The following MTREX variants were observed in gnomAD, a reference collection of about 807,000 sequenced individuals.
MTREX encodes the protein Mtr4 exosome RNA helicase.
Under a neutral mutation model 135.4 loss-of-function variants are expected in MTREX, and 76 were observed. That is an observed-to-expected ratio of 0.56 (90% CI 0.47 to 0.68). The LOEUF (loss-of-function observed/expected upper bound fraction) is 0.68, where lower values mean the gene tolerates loss of function less well. Among genes scored for constraint, MTREX ranks in the 30% least tolerant of loss-of-function variants. MTREX has a pLI of 0.00. For missense variants in MTREX, 920 were observed against 1,262.1 expected (o/e 0.73, Z 4.11); for synonymous variants, 404 against 401.6 (o/e 1.01, Z -0.07).
At chr5:55,376,051 A>G (rs557078204) in intron 16 of MTREX, among the ~76,000 whole-genome samples, 2 of 152,234 alleles carry the variant, frequency 1.3e-5, no homozygotes, top group East Asian at 1.9e-4. Flanking sequence ...AAAATTTACT[A>G]TAGTGGAGCC....
chr5:55,314,008 A>G (rs1749159784), intron 1 of MTREX, among the ~76,000 whole-genome samples: 1 of 152,008 alleles, frequency 6.6e-6, no homozygotes, highest in Non-Finnish European at 1.5e-5. Context: ...TAACAACTGC[A>G]TAGTTGCAGT....
At chr5:55,320,272 C>G (rs1270933800) in intron 1 of MTREX, among the ~76,000 whole-genome samples, 6 of 147,542 alleles carry the variant, frequency 4.1e-5, no homozygotes, top group African/African-American at 1.5e-4. Flanking sequence ...GGCTGGAGTA[C>G]AGTGGCACGA....
At chr5:55,373,141 G>A (rs1241115022) in intron 16 of MTREX, among the ~76,000 whole-genome samples, 1 of 122,496 alleles carries the variant, frequency 8.2e-6, no homozygotes, top group African/African-American at 3.0e-5. Context: ...TGGTCTTTTT[G>A]TCTTAGATCT....
rs201453594 is a variant in MTREX at position 55,328,809 on chromosome 5, C to G, written c.513C>G (p.Ala171=). The change falls in exon 5 of 27, where the codon GCC becomes GCG. Residue 171 remains alanine (A), a splice_region_variant and synonymous_variant. Transcript: ENST00000230640. ...CCTCAGCGGGAAAAACAGTATGCGC[C>G]GAGTGAGTAGCTTCCTTTTTAAAGT... ...AHTSAGKTVC[A]EYAIALALRE... 3.8e-6 allele frequency: 6 copies of G among 1,572,584 alleles called. No homozygotes were observed. In the East Asian group the frequency reaches 1.1e-4, roughly 30 times the overall value.
intron 1 of MTREX, among the ~76,000 whole-genome samples, chr5:55,316,124 C>T (rs2112022930): frequency 6.6e-6 from 1 of 152,044 alleles, no homozygotes; most frequent in South Asian, 2.1e-4. Flanking sequence ...TAGCAAGCTC[C>T]AAAATTAAAT....
At chr5:55,344,726 C>G in intron 9 of MTREX, 106 bp downstream of exon 9, 1 of 650,442 alleles carries the variant, frequency 1.5e-6, no homozygotes, top group Non-Finnish European at 2.5e-6. Context: ...GGAAAAGATA[C>G]ATTTGTTTGT....
At chr5:55,368,661 A>C (rs2112088428) in intron 16 of MTREX, among the ~76,000 whole-genome samples, 1 of 152,328 alleles carries the variant, frequency 6.6e-6, no homozygotes, top group African/African-American at 2.4e-5. Context: ...GTACGATCAC[A>C]ACTCAGTGCA....
At chr5:55,403,215 AAAAC>A (rs1750752069) in intron 21 of MTREX, among the ~76,000 whole-genome samples, 1 of 152,140 alleles carries the variant, frequency 6.6e-6, no homozygotes, top group African/African-American at 2.4e-5. Flanking sequence ...AAAAAAAACA[AAAAC>A]AAAAAAAAAG....
At chr5:55,415,717 G>T (rs72753705) in intron 24 of MTREX, among the ~76,000 whole-genome samples, 1 of 152,138 alleles carries the variant, frequency 6.6e-6, no homozygotes, top group Non-Finnish European at 1.5e-5. Context: ...TGTTGAAAAG[G>T]TATCACTGGC....
At chr5:55,349,537 AT>A (rs1205901778) in intron 11 of MTREX, 35 bp from the exon 12 acceptor site, 1 of 1,136,560 alleles carries the variant, frequency 8.8e-7, no homozygotes, top group Non-Finnish European at 1.3e-6. Context: ...TCACTAACTC[AT>A]TTTGATATTT....
Position 55,405,550 on chromosome 5 carries a change from A to G in MTREX, c.2607A>G (p.Val869=), listed in dbSNP as rs757658455. 3 of 1,613,740 alleles carry G rather than the reference A, an allele frequency of 1.9e-6. No homozygotes were observed. The highest frequency in any genetic ancestry group is 2.5e-6 in the Non-Finnish European group (3 of 1,179,746). The change falls in exon 22 of 27, where the codon GTA becomes GTG. Residue 869 remains valine, a synonymous_variant. Coordinates refer to ENST00000230640, the MANE Select transcript of MTREX (RefSeq NM_015360.5). ...RRLGFATSSD[V]IEMKGRVACE... ...TGGGATTTGCTACTTCTTCTGATGT[A>G]ATAGAGATGAAAGGACGAGTGGCTT... is the stretch of plus-strand genomic sequence containing the variant.
At chr5:55,396,885 A>T (rs1414908640) in intron 19 of MTREX, among the ~76,000 whole-genome samples, 1 of 152,218 alleles carries the variant, frequency 6.6e-6, no homozygotes, top group African/African-American at 2.4e-5. Flanking sequence ...GCAAAATTTG[A>T]TGTCGATAAT....
intron 16 of MTREX, among the ~76,000 whole-genome samples, chr5:55,370,839 T>G (rs969316640): frequency 4.6e-5 from 7 of 152,212 alleles, no homozygotes; most frequent in African/African-American, 1.7e-4. Flanking sequence ...TTCAAGGCAC[T>G]GGTATTATTT....
chr5:55,378,087 G>A (rs977864467), intron 16 of MTREX, among the ~76,000 whole-genome samples: 1 of 151,774 alleles, frequency 6.6e-6, no homozygotes, highest in African/African-American at 2.4e-5. Flanking sequence ...ACATTTCTTT[G>A]CAGTTGTCAG....
At chr5:55,411,543 T>C (rs994174947) in intron 23 of MTREX, among the ~76,000 whole-genome samples, 9 of 152,126 alleles carry the variant, frequency 5.9e-5, no homozygotes, top group Admixed American at 1.3e-4. Flanking sequence ...TGTTTACCTG[T>C]TAACTGTTTC....
At chr5:55,354,699 A>G (rs1749882216) in intron 14 of MTREX, among the ~76,000 whole-genome samples, 1 of 152,162 alleles carries the variant, frequency 6.6e-6, no homozygotes, top group African/African-American at 2.4e-5. Flanking sequence ...AAAGCTGAGT[A>G]GAGCTGCTGA....
At chr5:55,318,299 A>G (rs186533011) in intron 1 of MTREX, among the ~76,000 whole-genome samples, 88 of 152,312 alleles carry the variant, frequency 5.8e-4, no homozygotes, top group Non-Finnish European at 1.0e-3. Context: ...AAAGCATTCT[A>G]CCATAAAGAC....
At chr5:55,326,296 A>G (rs576291241) in intron 3 of MTREX, among the ~76,000 whole-genome samples, 2 of 152,298 alleles carry the variant, frequency 1.3e-5, no homozygotes, top group Admixed American at 1.3e-4. Flanking sequence ...GCTACTCAGG[A>G]GGCTGAGGCA....
intron 15 of MTREX, among the ~76,000 whole-genome samples, chr5:55,361,980 A>T (rs1204628696): frequency 6.7e-6 from 1 of 150,088 alleles, no homozygotes; most frequent in African/African-American, 2.5e-5. Flanking sequence ...GCAGTGGTGC[A>T]GTCTCGGCTC....
Sources: allele counts gnomAD v4.1 joint callset (sites outside exome capture counted in the v4.1 genomes callset), GRCh38; gene constraint gnomAD v4.1.1; transcripts MANE v1.5; gene names NCBI Gene and HGNC (gene_info 2026-07-23, HGNC 2026-07-21).